Variants in EIF5B observed in about 807,000 individuals in gnomAD.
The protein encoded by EIF5B is eIF-5B.
EIF5B carries 47 observed loss-of-function variants against 147.5 expected under a neutral mutation model. That is an observed-to-expected ratio of 0.32 (90% CI 0.25 to 0.41). EIF5B has a LOEUF of 0.41. Among genes scored for constraint, EIF5B ranks in the 10% least tolerant of loss-of-function variants. The pLI, the probability that EIF5B is intolerant of heterozygous loss-of-function variation, is 1.00. For synonymous variants in EIF5B, 455 were observed against 456.2 expected (o/e 1.00, Z 0.03); for missense variants, 1,064 against 1,413.2 (o/e 0.75, Z 3.96).
At chr2:99,365,830 A>G (rs529596974) in intron 6 of EIF5B, among the ~76,000 whole-genome samples, 1 of 152,224 alleles carries the variant, frequency 6.6e-6, no homozygotes, top group Non-Finnish European at 1.5e-5. Context: ...CCTTAGCTTG[A>G]CATTCAAGGT....
intron 1 of EIF5B, among the ~76,000 whole-genome samples, chr2:99,342,002 C>T (rs1400739709): frequency 6.6e-6 from 1 of 152,010 alleles, no homozygotes; most frequent in Non-Finnish European, 1.5e-5. Flanking sequence ...AGTTTTGACC[C>T]CCTAAAATAG....
chr2:99,352,884 G>A (rs1391537677), intron 1 of EIF5B, among the ~76,000 whole-genome samples: 1 of 151,538 alleles, frequency 6.6e-6, no homozygotes, highest in South Asian at 2.1e-4. Flanking sequence ...GAGTGCAGTG[G>A]CACAATCATG....
At chr2:99,353,870 T>C (rs1462447937) in intron 1 of EIF5B, among the ~76,000 whole-genome samples, 1 of 152,234 alleles carries the variant, frequency 6.6e-6, no homozygotes, top group Non-Finnish European at 1.5e-5. Flanking sequence ...TTCATTCCAT[T>C]TTATTGATGA....
chr2:99,364,879 A>C (rs1360298668), intron 6 of EIF5B, among the ~76,000 whole-genome samples: 3 of 151,440 alleles, frequency 2.0e-5, no homozygotes, highest in Admixed American at 6.6e-5. Flanking sequence ...ATTCATGACC[A>C]TTTTTTTTTA....
Position 99,389,709 on chromosome 2 carries a change from CT to C in EIF5B, c.2272-4del. 1 of 1,580,634 alleles carries C rather than the reference CT, an allele frequency of 6.3e-7. No homozygotes were observed. Among genetic ancestry groups the C allele is most frequent in the South Asian group, 1.2e-5 (1 of 84,792 alleles). On this transcript the variant is annotated splice_polypyrimidine_tract_variant and splice_region_variant and intron_variant, in intron 14 of 23. Coordinates refer to ENST00000289371, the MANE Select transcript of EIF5B (RefSeq NM_015904.4). ...TTTAGAGATCTTTCTCATGAAAAAA[CT>C]TTTTCAGATTGATAGGTTATATGAT... is the stretch of plus-strand genomic sequence containing the variant.
At chr2:99,360,742 A>C (rs1381245185) in intron 3 of EIF5B, among the ~76,000 whole-genome samples, 193 bp downstream of exon 3, 1 of 152,218 alleles carries the variant, frequency 6.6e-6, no homozygotes, top group Admixed American at 6.5e-5. Context: ...TGTTCATAAA[A>C]TTGGTACATT....
chr2:99,384,835 T>C (rs895760973), intron 14 of EIF5B, among the ~76,000 whole-genome samples: 1 of 152,220 alleles, frequency 6.6e-6, no homozygotes, highest in Admixed American at 6.5e-5. Flanking sequence ...GAGAAGCTGC[T>C]TCTTATGGGT....
intron 1 of EIF5B, among the ~76,000 whole-genome samples, chr2:99,352,656 T>C (rs1400642219): frequency 2.0e-5 from 3 of 150,830 alleles, no homozygotes; most frequent in Non-Finnish European, 4.4e-5. Flanking sequence ...TTTTTTCTAT[T>C]TTTTAGTAGA....
intron 1 of EIF5B, among the ~76,000 whole-genome samples, chr2:99,355,787 A>T (rs1674085067): frequency 6.6e-6 from 1 of 151,180 alleles, no homozygotes; most frequent in South Asian, 2.1e-4. Context: ...TAATTTTTGT[A>T]TTTTTAGTAG....
chr2:99,362,444 C>T (rs1259275690), intron 4 of EIF5B, among the ~76,000 whole-genome samples: 2 of 152,128 alleles, frequency 1.3e-5, no homozygotes, highest in African/African-American at 4.8e-5. Flanking sequence ...GTGGTTCACG[C>T]CTATAATCCC....
At position 99,379,120 on chromosome 2, in the gene EIF5B, A is replaced by G. The variant is rs1461309176; in HGVS notation, c.1944A>G (p.Leu648=). 2.5e-6 allele frequency: 4 copies of G among 1,598,168 alleles called. No homozygotes were observed. In the African/African-American group the frequency reaches 5.4e-5, roughly 22 times the overall value. The part of the protein sequence containing the change: ...GHVDTGKTKI[L]DKLRHTHVQD... ...TGGACACAGGGAAGACAAAAATTCT[A>G]GATAAGGTAAGAAAGTATTAAATGT... Residue 648 remains leucine (L), a synonymous_variant, in exon 11 of 24, where the codon CTA becomes CTG. Coordinates refer to ENST00000289371, the MANE Select transcript of EIF5B (RefSeq NM_015904.4).
At chr2:99,341,982 T>C (rs748405150) in intron 1 of EIF5B, among the ~76,000 whole-genome samples, 6 of 152,214 alleles carry the variant, frequency 3.9e-5, no homozygotes, top group Non-Finnish European at 8.8e-5. Flanking sequence ...CTTAGTATTA[T>C]TTTGAAAATA....
chr2:99,350,226 A>G (rs1178073520), intron 1 of EIF5B, among the ~76,000 whole-genome samples: 4 of 152,216 alleles, frequency 2.6e-5, no homozygotes, highest in African/African-American at 9.6e-5. Context: ...CATCTTGGCT[A>G]TTGTAAACAG....
In EIF5B at chr2:99,385,620, T is replaced by A. The variant is rs1559258036; in HGVS notation, c.2271+2699T>A. On this transcript the variant is annotated intron_variant, in intron 14 of 23. Coordinates refer to ENST00000289371, the MANE Select transcript of EIF5B (RefSeq NM_015904.4). ...TAATGCTGTCACACACTTAATAGACTACAATATAGTATAAGCATCTCTTTT... is the reference window on the plus strand; with the variant it reads ...TAATGCTGTCACACACTTAATAGACAACAATATAGTATAAGCATCTCTTTT... Among the ~76,000 whole-genome samples the A allele has an allele frequency of 2.0e-5, 3 of 152,252 alleles. No homozygotes were observed. In the East Asian group the frequency reaches 5.8e-4, roughly 29 times the overall value.
intron 1 of EIF5B, among the ~76,000 whole-genome samples, chr2:99,358,255 C>T (rs768974052): frequency 7.2e-5 from 11 of 151,882 alleles, no homozygotes; most frequent in Non-Finnish European, 5.9e-5. Context: ...TTTTTAGAGA[C>T]GGGGTTTCAT....
intron 12 of EIF5B, 95 bp downstream of exon 12, chr2:99,379,523 G>T: frequency 1.1e-6 from 1 of 893,650 alleles, no homozygotes; most frequent in Admixed American, 2.6e-5. Context: ...TAGGATAACA[G>T]CTCCATATAC....
chr2:99,385,029 C>T (rs554332683), intron 14 of EIF5B, among the ~76,000 whole-genome samples: 23 of 152,240 alleles, frequency 1.5e-4, no homozygotes, highest in Non-Finnish European at 3.1e-4. Context: ...CTCTAAGCAG[C>T]ATTACATGCT....
chr2:99,397,682 G>T (rs997342619), intron 22 of EIF5B: 1 of 152,256 alleles, frequency 6.6e-6, no homozygotes, highest in Non-Finnish European at 1.5e-5. Flanking sequence ...GAAAGTGCTA[G>T]ACGCCAACCA....
chr2:99,368,621 G>A (rs780815951), intron 7 of EIF5B, 30 bp downstream of exon 7: 1 of 1,524,478 alleles, frequency 6.6e-7, no homozygotes, highest in South Asian at 1.1e-5. Context: ...TCTAATTTAG[G>A]AAATATGTTG....
Sources: gnomAD v4.1 joint callset for allele counts (sites outside exome capture counted in the v4.1 genomes callset) on GRCh38, gnomAD v4.1.1 for gene constraint, MANE v1.5 for transcripts, NCBI Gene and HGNC (gene_info 2026-07-23, HGNC 2026-07-21) for gene names.